The following KIAA1217 variants were observed in gnomAD, a reference collection of about 807,000 sequenced individuals.
The protein encoded by KIAA1217 is sickle tail protein homolog.
A neutral mutation model predicts 163.9 loss-of-function variants in KIAA1217; 88 were observed. The observed-to-expected ratio is 0.54, with a 90% CI of 0.45 to 0.64. The LOEUF (loss-of-function observed/expected upper bound fraction) is 0.64. KIAA1217 is among the 30% of genes least tolerant of loss of function. The probability of loss-of-function intolerance (pLI) is 0.00; values close to 1 mark genes in which losing one functional copy is unlikely to be tolerated. For synonymous variants in KIAA1217, 903 were observed against 923.1 expected (o/e 0.98, Z 0.39); for missense variants, 2,372 against 2,475.0 (o/e 0.96, Z 0.88).
chr10:24,271,321 A>G (rs2076749142), intron 2 of KIAA1217, among the ~76,000 whole-genome samples: 1 of 152,198 alleles, frequency 6.6e-6, no homozygotes, highest in African/African-American at 2.4e-5. Flanking sequence ...TTTCATGGTC[A>G]TATATATTGA....
At chr10:24,536,960 C>A in intron 17 of KIAA1217, 67 bp downstream of exon 17, 1 of 1,583,296 alleles carries the variant, frequency 6.3e-7, no homozygotes, top group Non-Finnish European at 8.6e-7. Context: ...GACACTAACA[C>A]GGCTCTTATA....
chr10:23,906,452 G>C (rs1842167588), intron 1 of KIAA1217, among the ~76,000 whole-genome samples: 1 of 152,120 alleles, frequency 6.6e-6, no homozygotes, highest in Non-Finnish European at 1.5e-5. Flanking sequence ...TTTGTAGATG[G>C]TCAGGGTTTT....
chr10:24,298,309 A>G (rs548852119), intron 2 of KIAA1217, among the ~76,000 whole-genome samples: 9 of 152,002 alleles, frequency 5.9e-5, no homozygotes, highest in East Asian at 1.9e-4. Flanking sequence ...TCTCATTTAT[A>G]TAATAGGATA....
chr10:24,303,683 T>C (rs967216251), intron 2 of KIAA1217, among the ~76,000 whole-genome samples: 1 of 152,234 alleles, frequency 6.6e-6, no homozygotes, highest in African/African-American at 2.4e-5. Flanking sequence ...TTGGACAGAC[T>C]ACATTCGAAG....
intron 5 of KIAA1217, among the ~76,000 whole-genome samples, 199 bp from the exon 6 acceptor site, chr10:24,473,028 CA>C (rs777878582): frequency 5.9e-5 from 9 of 152,180 alleles, no homozygotes; most frequent in Non-Finnish European, 1.3e-4. Context: ...TTGAGTTCAC[CA>C]GGATAAAGAT....
intron 1 of KIAA1217, among the ~76,000 whole-genome samples, chr10:23,719,733 A>G (rs112415529): frequency 0.02 from 3,073 of 152,148 alleles, 114 homozygotes; most frequent in African/African-American, 0.07. Context: ...CCTGGCCAAC[A>G]TGGTGAAACC....
intron 1 of KIAA1217, among the ~76,000 whole-genome samples, chr10:23,833,868 A>G (rs1252298072): frequency 6.6e-6 from 1 of 151,874 alleles, no homozygotes; most frequent in Non-Finnish European, 1.5e-5. Context: ...TTTATTTCTA[A>G]TATGTCAAAA....
intron 2 of KIAA1217, among the ~76,000 whole-genome samples, chr10:24,284,584 T>G (rs2078339186): frequency 6.6e-6 from 1 of 152,196 alleles, no homozygotes; most frequent in African/African-American, 2.4e-5. Context: ...CTGCGTAGTA[T>G]TCCATGGTGT....
chr10:24,172,409 C>A (rs1025841992), intron 2 of KIAA1217, among the ~76,000 whole-genome samples: 6 of 152,168 alleles, frequency 3.9e-5, no homozygotes, highest in African/African-American at 1.4e-4. Context: ...TTTTGAGAAG[C>A]AGTTTGTGTA....
At chr10:24,342,652 ATTTTTTTTTT>A (rs11299912) in intron 2 of KIAA1217, among the ~76,000 whole-genome samples, 1 of 93,510 alleles carries the variant, frequency 1.1e-5, no homozygotes, top group Non-Finnish European at 2.0e-5. Context: ...ATACAACTCA[ATTTTTTTTTT>A]TTTTTTTTTT....
At chr10:23,923,609 GGAA>G (rs1564536282) in intron 1 of KIAA1217, among the ~76,000 whole-genome samples, 1 of 149,354 alleles carries the variant, frequency 6.7e-6, no homozygotes, top group East Asian at 1.9e-4. Flanking sequence ...GAGATGTGTC[GGAA>G]GAAGGAGGAA....
At chr10:24,087,098 G>A (rs1428812837) in intron 2 of KIAA1217, among the ~76,000 whole-genome samples, 1 of 152,090 alleles carries the variant, frequency 6.6e-6, no homozygotes, top group African/African-American at 2.4e-5. Context: ...CTGCTTTGTA[G>A]GAAAATCTCT....
chr10:23,901,237 T>G (rs1264844749), intron 1 of KIAA1217, among the ~76,000 whole-genome samples: 2 of 152,006 alleles, frequency 1.3e-5, no homozygotes, highest in Admixed American at 6.6e-5. Flanking sequence ...TTGCTCAAGA[T>G]CTCCCTGTTA....
At chr10:24,380,807 C>G (rs1054063523) in intron 2 of KIAA1217, 62 bp from the exon 3 acceptor site, 1 of 1,213,308 alleles carries the variant, frequency 8.2e-7, no homozygotes, top group African/African-American at 1.5e-5. Flanking sequence ...TGGCATTGGA[C>G]ATATTTTCCA....
intron 3 of KIAA1217, among the ~76,000 whole-genome samples, chr10:24,403,041 A>C (rs991175105): frequency 6.6e-6 from 1 of 152,186 alleles, no homozygotes; most frequent in Non-Finnish European, 1.5e-5. Context: ...TGAGTCTCAC[A>C]CTTAATACAA....
At chr10:24,402,528 CAA>C (rs56323500) in intron 3 of KIAA1217, among the ~76,000 whole-genome samples, 38 of 77,176 alleles carry the variant, frequency 4.9e-4, no homozygotes, top group Admixed American at 1.7e-3. Context: ...AAAAACAAAA[CAA>C]AAAAAAAAAA....
Position 24,452,391 on chromosome 10 carries a change from C to T in KIAA1217, c.846+13912C>T, listed in dbSNP as rs566841992. Among the ~76,000 whole-genome samples, 95 of 151,898 alleles carry T rather than the reference C, an allele frequency of 6.3e-4. 1 individual carries two copies. Among genetic ancestry groups the T allele is most frequent in the African/African-American group, 2.2e-3 (92 of 41,414 alleles). On this transcript the variant is annotated intron_variant, in intron 5 of 20. Coordinates refer to ENST00000376454, the MANE Select transcript of KIAA1217 (RefSeq NM_019590.5). The stretch of plus-strand genomic sequence containing the variant: ...AATCATTTAGCAGGAATGAATGAGA[C>T]GGCCGGGCACGGTGGTTCACGCCTG...
At chr10:24,473,108 C>A in intron 5 of KIAA1217, 120 bp from the exon 6 acceptor site, 1 of 653,406 alleles carries the variant, frequency 1.5e-6, no homozygotes, top group South Asian at 2.9e-5. Context: ...GAAACATATT[C>A]ACAGATTCCA....
At chr10:24,434,302 G>A (rs1485098021) in intron 4 of KIAA1217, among the ~76,000 whole-genome samples, 1 of 152,022 alleles carries the variant, frequency 6.6e-6, no homozygotes, top group Non-Finnish European at 1.5e-5. Context: ...GCCTCCCAAA[G>A]TGCTAGGATT....
Sources: allele counts gnomAD v4.1 joint callset (sites outside exome capture counted in the v4.1 genomes callset), GRCh38; gene constraint gnomAD v4.1.1; transcripts MANE v1.5; gene names NCBI Gene and HGNC (gene_info 2026-07-23, HGNC 2026-07-21).